Variants in GLDC observed in about 807,000 individuals in gnomAD.
GLDC encodes the protein glycine decarboxylase, also known as glycine dehydrogenase (decarboxylating), mitochondrial.
GLDC carries 104 observed loss-of-function variants against 121.3 expected under a neutral mutation model. The observed-to-expected ratio is 0.86, with a 90% CI of 0.73 to 1.01. The LOEUF (loss-of-function observed/expected upper bound fraction) is 1.01, where lower values mean the gene tolerates loss of function less well. GLDC is among the 50% of genes least tolerant of loss of function. GLDC has a pLI of 0.00. For missense variants in GLDC, 1,429 were observed against 1,306.6 expected, an observed-to-expected ratio of 1.09 and a Z score of -1.44; for synonymous variants, 546 against 480.6, an observed-to-expected ratio of 1.14 and a Z score of -1.78.
intron 11 of GLDC, among the ~76,000 whole-genome samples, chr9:6,591,143 T>C (rs56038827): frequency 0.062 from 9,397 of 152,252 alleles, 674 homozygotes; most frequent in African/African-American, 0.17. Context: ...TTTCCCCCAC[T>C]ACTTCATTAT....
At chr9:6,556,559 G>A (rs990648448) in intron 17 of GLDC, among the ~76,000 whole-genome samples, 6 of 152,198 alleles carry the variant, frequency 3.9e-5, no homozygotes, top group East Asian at 3.9e-4. Context: ...CTGGGAGGCC[G>A]AGGCGGGCAG....
In GLDC at chr9:6,644,617, C is replaced by T. The variant is rs1252011180; in HGVS notation, c.331G>A (p.Val111Ile). The change falls in exon 2 of 25, where the codon GTT becomes ATT. Residue 111 changes from valine (V) to isoleucine (I), a missense_variant. Physicochemically the swap from Val to Ile is conservative, Grantham distance 29. Coordinates refer to ENST00000321612, the MANE Select transcript of GLDC (RefSeq NM_000170.3). ...GGGAGCCCTCCCGGCCACTTACAAACAGGGTCTTCCATTTTCAAGGGTCTT... is the reference window on the plus strand; with the variant it reads ...GGGAGCCCTCCCGGCCACTTACAAATAGGGTCTTCCATTTTCAAGGGTCTT... ...LKRPLKMEDPVCENEILATLH... is the reference protein window; with the variant it reads ...LKRPLKMEDPICENEILATLH... 6.2e-7 allele frequency: 1 copy of T among 1,608,032 alleles called. No individual in the cohort carries two copies. The highest frequency in any genetic ancestry group is 2.2e-5 in the East Asian group (1 of 44,858).
intron 6 of GLDC, 76 bp from the exon 7 acceptor site, chr9:6,604,860 T>C: frequency 8.3e-7 from 1 of 1,210,736 alleles, no homozygotes; most frequent in Non-Finnish European, 1.2e-6. Context: ...GAAATTATCT[T>C]AACTACAGGA....
Position 6,595,109 on chromosome 9 carries a change from G to T in GLDC, c.1166C>A (p.Ala389Glu), listed in dbSNP as rs121964979. 1.2e-6 allele frequency: 2 copies of T among 1,605,316 alleles called. No individual in the cohort carries two copies. The highest frequency in any genetic ancestry group is 2.7e-5 in the African/African-American group (2 of 74,846). Residue 389 changes from alanine (A) to glutamate (E), a missense_variant, in exon 9 of 25, where the codon GCG becomes GAG. By Grantham distance (107) the Ala-to-Glu change is moderately radical. Coordinates refer to ENST00000321612, the MANE Select transcript of GLDC (RefSeq NM_000170.3). ...SNICTAQALL[A>E]NMAAMFAIYH... is the part of the protein sequence containing the mutation. ...GATTGCAAACATGGCAGCCATATTC[G>T]CCAAGAGGGCCTAAAAGATAAGAAC...
intron 3 of GLDC, among the ~76,000 whole-genome samples, chr9:6,611,332 C>A (rs761422079): frequency 5.9e-5 from 9 of 152,146 alleles, no homozygotes; most frequent in Non-Finnish European, 1.3e-4. Context: ...TCAAGGCGGG[C>A]GGATCACGAG....
chr9:6,627,366 A>C (rs954416421), intron 2 of GLDC, among the ~76,000 whole-genome samples: 1 of 152,078 alleles, frequency 6.6e-6, no homozygotes. Context: ...TAAGACCCAG[A>C]AGCATAAAAA....
chr9:6,595,802 C>T (rs1183077373), intron 8 of GLDC, among the ~76,000 whole-genome samples: 2 of 152,120 alleles, frequency 1.3e-5, no homozygotes, highest in African/African-American at 4.8e-5. Context: ...GGACTCCAGC[C>T]CGGTTGACAA....
At chr9:6,554,104 C>T (rs868507898) in intron 19 of GLDC, among the ~76,000 whole-genome samples, 4 of 152,188 alleles carry the variant, frequency 2.6e-5, no homozygotes, top group African/African-American at 7.2e-5. Flanking sequence ...AAAACAGCTG[C>T]TCTCATCATC....
At chr9:6,535,496 C>G (rs1045621579) in intron 23 of GLDC, among the ~76,000 whole-genome samples, 9 of 151,882 alleles carry the variant, frequency 5.9e-5, no homozygotes, top group Non-Finnish European at 1.3e-4. Context: ...TGTTCTCTGG[C>G]TTACAGCCAT....
chr9:6,554,690 G>A lies in GLDC; in HGVS notation c.2294C>T (p.Pro765Leu). The A allele has an allele frequency of 6.2e-7, 1 of 1,611,766 alleles. No individual in the cohort carries two copies. Residue 765 changes from proline (P) to leucine (L), a missense_variant, in exon 19 of 25, where the codon CCT (proline) becomes CTT (leucine). Pro to Leu is a moderately conservative substitution (Grantham distance 98). Transcript: ENST00000321612. Reference protein sequence around the residue: ...TFCIPHGGGGPGMGPIGVKKH... With the variant: ...TFCIPHGGGGLGMGPIGVKKH... ...TTACACTCCGATGGGCCCCATGCCA[G>A]GACCACCTCCTCCGTGGGGAATGCA...
chr9:6,621,402 C>T (rs908532796), intron 2 of GLDC, among the ~76,000 whole-genome samples: 1 of 152,152 alleles, frequency 6.6e-6, no homozygotes. Context: ...GGATTGAAGA[C>T]GGTCACTTGG....
intron 8 of GLDC, among the ~76,000 whole-genome samples, chr9:6,600,543 G>A (rs577642676): frequency 6.6e-6 from 1 of 152,004 alleles, no homozygotes; most frequent in East Asian, 1.9e-4. Flanking sequence ...GGGTGTGGTG[G>A]CCTGTAATTC....
At chr9:6,570,715 G>A (rs146945003) in intron 15 of GLDC, among the ~76,000 whole-genome samples, 23 of 152,066 alleles carry the variant, frequency 1.5e-4, no homozygotes, top group African/African-American at 3.4e-4. Flanking sequence ...TTAGCTGGGC[G>A]TTGTGGCAGG....
intron 21 of GLDC, among the ~76,000 whole-genome samples, chr9:6,546,090 T>C (rs899749136): frequency 1.3e-5 from 2 of 152,254 alleles, no homozygotes; most frequent in Non-Finnish European, 2.9e-5. Flanking sequence ...CTATATTTAA[T>C]TTCTTTTTAC....
In GLDC at chr9:6,645,321, T is replaced by A. The variant is rs756931240; in HGVS notation, c.179A>T (p.His60Leu). 2 of 1,586,764 alleles carry A rather than the reference T, an allele frequency of 1.3e-6. No individual in the cohort carries two copies. Among genetic ancestry groups the A allele is most frequent in the East Asian group, 2.3e-5 (1 of 43,002 alleles). The change falls in exon 1 of 25, where the codon CAC becomes CTC. Residue 60 changes from histidine (H) to leucine (L), a missense_variant. Physicochemically the swap from His to Leu is moderately conservative, Grantham distance 99 (BLOSUM62 -3). Coordinates refer to ENST00000321612, the MANE Select transcript of GLDC (RefSeq NM_000170.3). ...SRLLERLLPR[H>L]DDFARRHIGP... ...GATGTGCCTCCGAGCGAAGTCGTCG[T>A]GTCTGGGCAGAAGGCGCTCCAGGAG...
rs1415589551 is a variant in GLDC at position 6,545,900 on chromosome 9, CA to C, written c.2569+4902del. Among the ~76,000 whole-genome samples the C allele has an allele frequency of 5.9e-5, 9 of 152,192 alleles. 1 individual carries two copies. On this transcript the variant is annotated intron_variant, in intron 21 of 24. Transcript: ENST00000321612. ...AAGTGATCTGCCCGCCTCAGCCTTC[CA>C]AAGTGCTGGGATTATAGGCGTGAGC...
chr9:6,570,714 C>T (rs554265360), intron 15 of GLDC, among the ~76,000 whole-genome samples: 3 of 151,884 alleles, frequency 2.0e-5, no homozygotes, highest in Admixed American at 6.6e-5. Flanking sequence ...ATTAGCTGGG[C>T]GTTGTGGCAG....
intron 15 of GLDC, among the ~76,000 whole-genome samples, chr9:6,575,196 A>G (rs1239242047): frequency 6.8e-6 from 1 of 146,478 alleles, no homozygotes; most frequent in African/African-American, 2.5e-5. Flanking sequence ...ACAGAGTGAG[A>G]CTCCATCTCA....
rs72695505 is a variant in GLDC, at chr9:6,554,041, A to G, written c.2316-532T>C. Among the ~76,000 whole-genome samples the G allele has an allele frequency of 3.5e-3, 537 of 152,286 alleles. 6 individuals are homozygous for G. Among genetic ancestry groups the G allele is most frequent in the Non-Finnish European group, 6.5e-3 (440 of 68,016 alleles). ...AAGTAAGAAGGCCAAGCTTCCAGCA[A>G]CTCTGAAAACTGACTTCTTTAGCAT... On this transcript the variant is annotated intron_variant, in intron 19 of 24. Coordinates refer to ENST00000321612, the MANE Select transcript of GLDC (RefSeq NM_000170.3).
Sources: gnomAD v4.1 joint callset for allele counts (sites outside exome capture counted in the v4.1 genomes callset) on GRCh38, gnomAD v4.1.1 for gene constraint, MANE v1.5 for transcripts, NCBI Gene and HGNC (gene_info 2026-07-23, HGNC 2026-07-21) for gene names.